The following ENTPD5 variants were observed in gnomAD, a reference collection of about 807,000 sequenced individuals.
ENTPD5 encodes nucleoside diphosphate phosphatase ENTPD5.
A neutral mutation model predicts 60.2 loss-of-function variants in ENTPD5; 49 were observed. The ratio of observed to expected loss-of-function variants is 0.81; its 90% CI spans 0.65 to 1.03. The LOEUF is 1.03. Ranked by LOEUF, ENTPD5 falls within the 50% of genes least tolerant of loss-of-function variation. ENTPD5 has a pLI of 0.00. For synonymous variants in ENTPD5, 187 were observed against 185.4 expected (o/e 1.01, Z -0.07); for missense variants, 480 against 507.6 (o/e 0.95, Z 0.52).
At chr14:73,976,553 C>T (rs1594862948) in intron 8 of ENTPD5, 141 bp from the exon 9 acceptor site, 2 of 636,090 alleles carry the variant, frequency 3.1e-6, no homozygotes, top group East Asian at 2.8e-5. Flanking sequence ...TGAATGTCAA[C>T]TCGGAAGGAC....
At chr14:73,975,221 T>C (rs1382132038) in intron 10 of ENTPD5, among the ~76,000 whole-genome samples, 2 of 152,052 alleles carry the variant, frequency 1.3e-5, no homozygotes, top group African/African-American at 4.8e-5. Context: ...ACAGTGACAA[T>C]TCCTAGGGTC....
intron 2 of ENTPD5, among the ~76,000 whole-genome samples, chr14:74,014,733 G>A (rs949938299): frequency 1.3e-5 from 2 of 152,162 alleles, no homozygotes; most frequent in African/African-American, 4.8e-5. Flanking sequence ...ACGAGAAAAT[G>A]TCAATTTAGT....
chr14:73,971,161 TG>T (rs1379352469), intron 14 of ENTPD5, among the ~76,000 whole-genome samples: 1 of 125,506 alleles, frequency 8.0e-6, no homozygotes, highest in Non-Finnish European at 1.9e-5. Context: ...AAAGCCTCTT[TG>T]TTTTTTTTTT....
intron 15 of ENTPD5, among the ~76,000 whole-genome samples, chr14:73,968,587 G>A (rs914584724): frequency 3.3e-5 from 5 of 151,836 alleles, no homozygotes; most frequent in Admixed American, 1.3e-4. Context: ...CACCACGCCC[G>A]GCTAATTTTT....
chr14:73,996,736 G>A (rs1241768680), intron 3 of ENTPD5: 1 of 152,144 alleles, frequency 6.6e-6, no homozygotes, highest in Non-Finnish European at 1.5e-5. Flanking sequence ...TTGAGGTCAG[G>A]ATTTCAAGAC....
chr14:73,961,933 C>T (rs760831183), downstream of ENTPD5: 3 of 1,612,582 alleles, frequency 1.9e-6, no homozygotes, highest in Admixed American at 1.7e-5. Flanking sequence ...AATGACTTTG[C>T]AAACAGCTCT....
At chr14:73,955,887 T>G (rs2056407540), downstream of ENTPD5, 1 of 1,614,160 alleles carries the variant, frequency 6.2e-7, no homozygotes, top group Non-Finnish European at 8.5e-7. Flanking sequence ...GAGAATGATG[T>G]CATCATGCAT....
chr14:73,958,916 C>T, downstream of ENTPD5: 1 of 1,607,448 alleles, frequency 6.2e-7, no homozygotes, highest in Non-Finnish European at 8.5e-7. Flanking sequence ...AGAAAAACTT[C>T]TGAAGCAGTT....
downstream of ENTPD5, chr14:73,955,400 A>G: frequency 7.3e-7 from 1 of 1,377,460 alleles, no homozygotes; most frequent in Non-Finnish European, 1.0e-6. Context: ...GACAAGGGGG[A>G]GCCCAGGTCC....
At chr14:74,001,362 T>A (rs149192567) in intron 3 of ENTPD5, among the ~76,000 whole-genome samples, 1,568 of 151,592 alleles carry the variant, frequency 0.01, 48 homozygotes, top group African/African-American at 0.037. Context: ...ATTAGCTGGG[T>A]GTGATGGCGG....
rs770134831 is a variant in ENTPD5, at chr14:73,986,804, A to T, written c.297+10T>A. 6.2e-7 allele frequency: 1 copy of T among 1,607,250 alleles called. No individual in the cohort carries two copies. The highest frequency in any genetic ancestry group is 1.3e-5 in the African/African-American group (1 of 74,844). On this transcript the variant is annotated intron_variant, in intron 5 of 15. Coordinates refer to ENST00000334696, the MANE Select transcript of ENTPD5 (RefSeq NM_001249.5). ...TTGAGAATCTAAACATCAAATCATA[A>T]GAAACTCACCTGCTTAGGTTGATCT... is the stretch of plus-strand genomic sequence containing the variant.
intron 3 of ENTPD5, among the ~76,000 whole-genome samples, chr14:74,009,671 G>T (rs1197287063): frequency 6.6e-6 from 1 of 152,174 alleles, no homozygotes; most frequent in Non-Finnish European, 1.5e-5. Context: ...CACCCAGGCT[G>T]CAGTGGAGCA....
chr14:73,961,656 AT>A, downstream of ENTPD5: 1 of 1,604,380 alleles, frequency 6.2e-7, no homozygotes. Context: ...GGGAGTGGAC[AT>A]AAAATATATC....
downstream of ENTPD5, chr14:73,962,931 C>CTG (rs778303612): frequency 6.6e-7 from 1 of 1,514,136 alleles, no homozygotes; most frequent in Middle Eastern, 1.7e-4. Context: ...CTTCACCTTA[C>CTG]TGTGTTAAGA....
intron 15 of ENTPD5, among the ~76,000 whole-genome samples, chr14:73,968,932 G>T (rs2140466540): frequency 6.6e-6 from 1 of 152,260 alleles, no homozygotes; most frequent in South Asian, 2.1e-4. Context: ...GACAAAGAAA[G>T]ACCTAAGATT....
chr14:74,005,805 T>G (rs999447674), intron 3 of ENTPD5, among the ~76,000 whole-genome samples: 11 of 151,888 alleles, frequency 7.2e-5, no homozygotes, highest in Admixed American at 2.0e-4. Flanking sequence ...GGACTCCATT[T>G]CAAAAAAATA....
In ENTPD5 at chr14:73,977,314, C is replaced by T; in HGVS notation, c.502G>A (p.Asp168Asn). ...LVPKGSVSIMDGSDEGILAWV... is the reference protein window; with the variant it reads ...LVPKGSVSIMNGSDEGILAWV... The stretch of plus-strand genomic sequence containing the variant: ...CCTCTCCCACCTTCGTCGGATCCAT[C>T]CATGATGCTAACACTGCCCTTTGGT... The change falls in exon 7 of 16, where the codon GAT becomes AAT. Residue 168 changes from aspartate (D) to asparagine (N), a missense_variant. Asp to Asn is a conservative substitution (Grantham distance 23). Coordinates refer to ENST00000334696, the MANE Select transcript of ENTPD5 (RefSeq NM_001249.5). 1.2e-6 allele frequency: 2 copies of T among 1,612,314 alleles called. No individual in the cohort carries two copies. The highest frequency in any genetic ancestry group is 1.7e-6 in the Non-Finnish European group (2 of 1,179,146).
chr14:73,959,654 C>T, downstream of ENTPD5: 1 of 1,506,744 alleles, frequency 6.6e-7, no homozygotes. Flanking sequence ...TGTGCAATCT[C>T]CGCCTCCCGG....
chr14:73,974,046 G>A (rs890051550), intron 11 of ENTPD5, 68 bp from the exon 12 acceptor site: 2 of 1,333,166 alleles, frequency 1.5e-6, no homozygotes, highest in South Asian at 1.2e-5. Context: ...CAAGCAAGAA[G>A]CCAGTGAGGT....
Sources: gnomAD v4.1 joint callset for allele counts (sites outside exome capture counted in the v4.1 genomes callset) on GRCh38, gnomAD v4.1.1 for gene constraint, MANE v1.5 for transcripts, NCBI Gene and HGNC (gene_info 2026-07-23, HGNC 2026-07-21) for gene names.